The following BROX variants were observed in gnomAD, a reference collection of about 807,000 sequenced individuals.
BROX encodes BRO1 domain and CAAX motif containing, also known as BRO1 domain-containing protein BROX.
Under a neutral mutation model 61.0 loss-of-function variants are expected in BROX, and 53 were observed. The ratio of observed to expected loss-of-function variants is 0.87; its 90% CI spans 0.70 to 1.09. BROX has a LOEUF of 1.09. BROX is among the 50% of genes least tolerant of loss of function. The pLI, the probability that BROX is intolerant of heterozygous loss-of-function variation, is 0.00. For missense variants in BROX, 489 were observed against 472.0 expected, an observed-to-expected ratio of 1.04 and a Z score of -0.33; for synonymous variants, 152 against 160.2, an observed-to-expected ratio of 0.95 and a Z score of 0.38.
rs201155840 is a variant in BROX, at chr1:222,729,727, C to T, written c.838+26C>T. ...GTAAGTTTTCCTGCCAGAATATTAACTCCCCTTTAAAAAACAAATGACTTT... is the reference window on the plus strand; with the variant it reads ...GTAAGTTTTCCTGCCAGAATATTAATTCCCCTTTAAAAAACAAATGACTTT... On this transcript the variant is annotated intron_variant, in intron 10 of 12. Transcript: ENST00000340934. The T allele has an allele frequency of 1.3e-5, 21 of 1,584,354 alleles. No homozygotes were observed. The South Asian group carries it at 2.0e-4, about 15-fold the overall frequency.
chr1:222,727,217 T>C lies in BROX; in HGVS notation c.630T>C (p.Ala210=). 1 of 1,613,800 alleles carries C rather than the reference T, an allele frequency of 6.2e-7. No individual in the cohort carries two copies. Among genetic ancestry groups the C allele is most frequent in the Non-Finnish European group, 8.5e-7 (1 of 1,179,844 alleles). The change falls in exon 8 of 13, where the codon GCT becomes GCC. Residue 210 remains alanine, a synonymous_variant. Transcript: ENST00000340934. ...TAAAACATGCTCCTGGACTAATTGC[T>C]GCACTGGCGTATGAAACAGCCAATT... The part of the protein sequence containing the change: ...IELKHAPGLI[A]ALAYETANFY...
Position 222,730,180 on chromosome 1 carries a change from G to A in BROX, c.989+3G>A. On this transcript the variant is annotated splice_donor_region_variant and intron_variant, in intron 11 of 12. Transcript: ENST00000340934. ...TGTCAGAGAGAAAATGGATTTATGT[G>A]AGTACAGTTTAATATTACTTTAGTA... 6.3e-7 allele frequency: 1 copy of A among 1,580,928 alleles called. No individual in the cohort carries two copies. Among genetic ancestry groups the A allele is most frequent in the Non-Finnish European group, 8.6e-7 (1 of 1,157,120 alleles).
chr1:222,718,836 A>T, intron 2 of BROX, 89 bp from the exon 3 acceptor site: 1 of 1,014,032 alleles, frequency 9.9e-7, no homozygotes, highest in Non-Finnish European at 1.5e-6. Flanking sequence ...TGTGTGTTTT[A>T]AAGCTTTTAC....
intron 11 of BROX, 50 bp downstream of exon 11, chr1:222,730,227 A>G: frequency 8.3e-7 from 1 of 1,204,736 alleles, no homozygotes; most frequent in Non-Finnish European, 1.1e-6. Flanking sequence ...TTGATTTATG[A>G]TTATATTAAA....
At chr1:222,725,337 T>C (rs1291261405) in intron 6 of BROX, 113 bp from the exon 7 acceptor site, 2 of 636,888 alleles carry the variant, frequency 3.1e-6, no homozygotes, top group African/African-American at 1.9e-5. Context: ...TCTGAATTTC[T>C]GCTAAGCCTC....
At chr1:222,725,634 G>C (rs1466770567) in intron 7 of BROX, 79 bp downstream of exon 7, 15 of 1,201,154 alleles carry the variant, frequency 1.2e-5, no homozygotes, top group Non-Finnish European at 1.7e-5. Flanking sequence ...CAGAAGTTGG[G>C]CACTGTGGCT....
intron 12 of BROX, among the ~76,000 whole-genome samples, chr1:222,732,321 G>A (rs1452699388): frequency 6.6e-6 from 1 of 152,080 alleles, no homozygotes; most frequent in Admixed American, 6.5e-5. Flanking sequence ...CCATTAACTT[G>A]TCATTTAGCA....
At chr1:222,719,831 CTT>C (rs903966515) in intron 4 of BROX, among the ~76,000 whole-genome samples, 10 of 152,182 alleles carry the variant, frequency 6.6e-5, no homozygotes, top group African/African-American at 2.2e-4. Context: ...TATTTCTACT[CTT>C]TTTAAAAACT....
At chr1:222,732,053 T>C (rs758642272) in intron 12 of BROX, among the ~76,000 whole-genome samples, 63 of 152,196 alleles carry the variant, frequency 4.1e-4, no homozygotes, top group Non-Finnish European at 1.9e-4. Context: ...CAGCCATTGC[T>C]CCTTTCTTGA....
chr1:222,720,752 G>A (rs1657029603), intron 4 of BROX, among the ~76,000 whole-genome samples: 1 of 151,904 alleles, frequency 6.6e-6, no homozygotes, highest in Admixed American at 6.6e-5. Context: ...AGCCAAGGTT[G>A]CAGTGAGCTG....
chr1:222,724,210 T>A (rs1423857664), intron 6 of BROX, 46 bp downstream of exon 6: 1 of 1,470,810 alleles, frequency 6.8e-7, no homozygotes, highest in Non-Finnish European at 9.3e-7. Flanking sequence ...AATGCTTTAA[T>A]TCTTGAATAA....
intron 1 of BROX, among the ~76,000 whole-genome samples, chr1:222,714,414 G>T (rs1656384866): frequency 6.6e-6 from 1 of 150,816 alleles, no homozygotes; most frequent in South Asian, 2.1e-4. Flanking sequence ...TAGCCAGGAT[G>T]GTCTCGATCT....
chr1:222,729,221 T>G (rs1657748446), intron 9 of BROX, among the ~76,000 whole-genome samples: 1 of 152,182 alleles, frequency 6.6e-6, no homozygotes, highest in Non-Finnish European at 1.5e-5. Flanking sequence ...TACGTATCAG[T>G]CTGTTATACC....
intron 1 of BROX, among the ~76,000 whole-genome samples, chr1:222,714,763 A>G (rs1656446503): frequency 6.6e-6 from 1 of 151,436 alleles, no homozygotes; most frequent in Non-Finnish European, 1.5e-5. Flanking sequence ...TGATTTTTGT[A>G]GAGACCGGGT....
intron 2 of BROX, 38 bp downstream of exon 2, chr1:222,715,838 A>G (rs765153855): frequency 3.7e-6 from 5 of 1,353,280 alleles, no homozygotes; most frequent in East Asian, 2.4e-5. Context: ...GATGCAAGGT[A>G]CTTTTTTTGG....
At chr1:222,725,389 C>A in intron 6 of BROX, 61 bp from the exon 7 acceptor site, 1 of 1,174,298 alleles carries the variant, frequency 8.5e-7, no homozygotes, top group Non-Finnish European at 1.2e-6. Flanking sequence ...TCATCTCTAA[C>A]AACTGGATTA....
At chr1:222,720,320 A>G (rs910422184) in intron 4 of BROX, among the ~76,000 whole-genome samples, 12 of 152,104 alleles carry the variant, frequency 7.9e-5, no homozygotes, top group African/African-American at 2.7e-4. Flanking sequence ...ATATTCTGGG[A>G]TACTCAGATT....
In BROX at chr1:222,731,411, T is replaced by TA; in HGVS notation, c.1044_1045insA (p.Gly349ArgfsTer26). ...CACAGCTGGAACTCAAAGCAAATTA[T>TA]GGTCTCGTAGAGCCTATACCTTTCG... On this transcript the variant is annotated frameshift_variant, in exon 12 of 13. Coordinates refer to ENST00000340934, the MANE Select transcript of BROX (RefSeq NM_144695.4). LOFTEE classifies it high-confidence loss of function. 1 of 1,581,688 alleles carries TA rather than the reference T, an allele frequency of 6.3e-7. No homozygotes were observed.
intron 1 of BROX, among the ~76,000 whole-genome samples, chr1:222,714,441 G>A (rs1316803608): frequency 2.0e-5 from 3 of 150,066 alleles, no homozygotes; most frequent in Non-Finnish European, 3.0e-5. Flanking sequence ...CTTGTGATCT[G>A]CCCGCCTCGG....
Sources: gnomAD v4.1 joint callset for allele counts (sites outside exome capture counted in the v4.1 genomes callset) on GRCh38, gnomAD v4.1.1 for gene constraint, MANE v1.5 for transcripts, NCBI Gene and HGNC (gene_info 2026-07-23, HGNC 2026-07-21) for gene names.